The following TNRC6C variants were observed in gnomAD, a reference collection of about 807,000 sequenced individuals.
The protein encoded by TNRC6C is trinucleotide repeat containing adaptor 6C, also known as trinucleotide repeat-containing gene 6C protein.
In TNRC6C, 20 loss-of-function variants were observed where a neutral mutation model predicts 153.7. That is an observed-to-expected ratio of 0.13 (90% confidence interval 0.09 to 0.19). The LOEUF is 0.19. Ranked by LOEUF, TNRC6C falls within the 10% of genes least tolerant of loss-of-function variation. The probability of loss-of-function intolerance (pLI) is 1.00; values close to 1 mark genes in which losing one functional copy is unlikely to be tolerated. For synonymous variants in TNRC6C, 811 were observed against 841.4 expected (o/e 0.96, Z 0.63); for missense variants, 1,987 against 2,172.0 (o/e 0.91, Z 1.69).
At chr17:77,981,847 T>C (rs1054330169) in intron 1 of TNRC6C, among the ~76,000 whole-genome samples, 1 of 152,176 alleles carries the variant, frequency 6.6e-6, no homozygotes, top group Non-Finnish European at 1.5e-5. Flanking sequence ...GACATTGTGG[T>C]CCACAAAGCT....
At chr17:78,046,629 G>A (rs1183566234) in intron 2 of TNRC6C, among the ~76,000 whole-genome samples, 1 of 152,010 alleles carries the variant, frequency 6.6e-6, no homozygotes, top group Non-Finnish European at 1.5e-5. Context: ...TATGTCTTAC[G>A]TATTTCATGT....
intron 2 of TNRC6C, among the ~76,000 whole-genome samples, chr17:78,039,206 C>A (rs1277710050): frequency 4.0e-5 from 6 of 151,700 alleles, no homozygotes; most frequent in Non-Finnish European, 1.5e-5. Context: ...CAGTGACCAG[C>A]AATCTCACTT....
At chr17:78,041,387 C>T (rs2072291727) in intron 2 of TNRC6C, among the ~76,000 whole-genome samples, 1 of 152,174 alleles carries the variant, frequency 6.6e-6, no homozygotes, top group African/African-American at 2.4e-5. Context: ...CACGGGCAGG[C>T]CTTCCCAAAT....
intron 2 of TNRC6C, among the ~76,000 whole-genome samples, chr17:78,038,006 G>A (rs17639481): frequency 0.068 from 10,291 of 152,236 alleles, 418 homozygotes; most frequent in African/African-American, 0.098. Context: ...TATACACGGA[G>A]AGTTGCAGAT....
intron 1 of TNRC6C, among the ~76,000 whole-genome samples, chr17:77,971,082 G>A (rs1201652525): frequency 6.6e-6 from 1 of 152,174 alleles, no homozygotes; most frequent in Non-Finnish European, 1.5e-5. Context: ...ATGTAAAGAT[G>A]TTATAATTTT....
chr17:78,042,723 TAACA>T (rs368756698), intron 2 of TNRC6C, among the ~76,000 whole-genome samples: 3 of 151,974 alleles, frequency 2.0e-5, no homozygotes, highest in Non-Finnish European at 2.9e-5. Context: ...ATGGTGGAGA[TAACA>T]ATGATGGTAG....
intron 6 of TNRC6C, among the ~76,000 whole-genome samples, chr17:78,072,373 G>A (rs921386814): frequency 6.6e-6 from 1 of 152,352 alleles, no homozygotes; most frequent in Non-Finnish European, 1.5e-5. Flanking sequence ...TGATGGTGGA[G>A]CCTAGAGTTG....
At chr17:78,009,262 C>T (rs1449366757) in intron 1 of TNRC6C, among the ~76,000 whole-genome samples, 1 of 151,894 alleles carries the variant, frequency 6.6e-6, no homozygotes, top group Non-Finnish European at 1.5e-5. Flanking sequence ...TTTGGCACTG[C>T]CCTTAATTGA....
At chr17:77,982,866 G>C in intron 1 of TNRC6C, among the ~76,000 whole-genome samples, 1 of 152,088 alleles carries the variant, frequency 6.6e-6, no homozygotes, top group Admixed American at 6.5e-5. Flanking sequence ...GTAGTAAGAT[G>C]GTTAATTTAA....
At chr17:77,971,958 G>A (rs1471719098) in intron 1 of TNRC6C, among the ~76,000 whole-genome samples, 1 of 151,362 alleles carries the variant, frequency 6.6e-6, no homozygotes, top group East Asian at 1.9e-4. Context: ...TATTAAATAT[G>A]TATTAGAAAA....
At chr17:78,086,932 A>AGCCACCACCGCCACC (rs2073303469) in exon 13 of TNRC6C, 5 of 1,612,624 alleles carry the variant, frequency 3.1e-6, no homozygotes, top group Non-Finnish European at 3.4e-6. Context: ...CTCGTGAAGC[A>AGCCACCACCGCCACC]GCCACCACCG....
intron 8 of TNRC6C, among the ~76,000 whole-genome samples, chr17:78,076,232 A>AG (rs1237707104): frequency 1.4e-5 from 2 of 139,324 alleles, no homozygotes; most frequent in East Asian, 2.9e-4. Context: ...AAAAAGAAAA[A>AG]GAAAAAAAAA....
At chr17:78,030,711 A>T (rs1256145278) in intron 1 of TNRC6C, among the ~76,000 whole-genome samples, 2 of 152,198 alleles carry the variant, frequency 1.3e-5, no homozygotes, top group African/African-American at 2.4e-5. Context: ...ACACCTAAAG[A>T]TTCCTTCGTT....
At chr17:78,084,316 T>A in intron 11 of TNRC6C, among the ~76,000 whole-genome samples, 3 of 123,364 alleles carry the variant, frequency 2.4e-5, no homozygotes, top group African/African-American at 6.2e-5. Flanking sequence ...CCAGGAATCA[T>A]GAAGGAGAAA....
At chr17:77,995,148 G>C (rs1450661944) in intron 1 of TNRC6C, among the ~76,000 whole-genome samples, 1 of 152,192 alleles carries the variant, frequency 6.6e-6, no homozygotes, top group Non-Finnish European at 1.5e-5. Flanking sequence ...ATAAGGAGGA[G>C]ACCCCTGCCC....
chr17:78,051,708 G>A (rs2072540566), intron 3 of TNRC6C, among the ~76,000 whole-genome samples: 1 of 152,140 alleles, frequency 6.6e-6, no homozygotes, highest in South Asian at 2.1e-4. Context: ...TTTGGTGGTG[G>A]CGGTGGTGGC....
intron 3 of TNRC6C, among the ~76,000 whole-genome samples, chr17:78,052,402 C>T (rs532385269): frequency 6.6e-6 from 1 of 152,248 alleles, no homozygotes; most frequent in Non-Finnish European, 1.5e-5. Context: ...AGGCTGTACT[C>T]TAGTAGCTGG....
At chr17:78,011,756 A>C (rs2071635542) in intron 1 of TNRC6C, among the ~76,000 whole-genome samples, 1 of 152,222 alleles carries the variant, frequency 6.6e-6, no homozygotes. Flanking sequence ...AAGAAATTGC[A>C]CACAGCTCTT....
chr17:77,984,487 C>T (rs1449516246), intron 1 of TNRC6C, among the ~76,000 whole-genome samples: 1 of 152,158 alleles, frequency 6.6e-6, no homozygotes, highest in African/African-American at 2.4e-5. Context: ...CACTGCACCC[C>T]AGCCTAAATG....
Sources: gnomAD v4.1 joint callset for allele counts (sites outside exome capture counted in the v4.1 genomes callset) on GRCh38, gnomAD v4.1.1 for gene constraint, MANE v1.5 for transcripts, NCBI Gene and HGNC (gene_info 2026-07-23, HGNC 2026-07-21) for gene names.